MYO1B: variants seen among roughly 807,000 people sequenced by gnomAD.
MYO1B encodes the protein unconventional myosin-Ib.
A neutral mutation model predicts 159.7 loss-of-function variants in MYO1B; 72 were observed. The observed-to-expected ratio is 0.45, with a 90% confidence interval of 0.37 to 0.55. MYO1B has a LOEUF of 0.55. Among genes scored for constraint, MYO1B ranks in the 20% least tolerant of loss-of-function variants. MYO1B has a pLI of 0.00. For missense variants in MYO1B, 1,062 were observed against 1,364.8 expected (o/e 0.78, Z 3.50); for synonymous variants, 468 against 473.8 (o/e 0.99, Z 0.16).
intron 3 of MYO1B, among the ~76,000 whole-genome samples, chr2:191,323,729 T>C (rs894680962): frequency 6.6e-6 from 1 of 152,198 alleles, no homozygotes; most frequent in African/African-American, 2.4e-5. Flanking sequence ...GATGGTTTAC[T>C]GTTGTCATTC....
At chr2:191,248,616 C>T (rs558116166) in intron 1 of MYO1B, among the ~76,000 whole-genome samples, 20 of 152,270 alleles carry the variant, frequency 1.3e-4, no homozygotes, top group Admixed American at 1.1e-3. Context: ...CATCACAATT[C>T]AAAATTCTAA....
chr2:191,257,089 C>G (rs984265788), intron 1 of MYO1B, among the ~76,000 whole-genome samples: 73 of 152,160 alleles, frequency 4.8e-4, no homozygotes, highest in African/African-American at 1.6e-3. Flanking sequence ...TCTTCTTTAC[C>G]TACTGTCATG....
intron 16 of MYO1B, among the ~76,000 whole-genome samples, chr2:191,386,894 TGA>T (rs1695430497): frequency 6.6e-6 from 1 of 152,198 alleles, no homozygotes. Context: ...AATTGGTATG[TGA>T]GAACTAAAAA....
chr2:191,299,339 A>C (rs1324826585), intron 3 of MYO1B, among the ~76,000 whole-genome samples: 1 of 152,194 alleles, frequency 6.6e-6, no homozygotes, highest in African/African-American at 2.4e-5. Flanking sequence ...CGTGGTGAGC[A>C]AAGTACAGTT....
At chr2:191,316,932 C>A (rs971426510) in intron 3 of MYO1B, among the ~76,000 whole-genome samples, 2 of 152,108 alleles carry the variant, frequency 1.3e-5, no homozygotes, top group Non-Finnish European at 2.9e-5. Flanking sequence ...ATTCATTGAT[C>A]CAGGAAAATT....
intron 1 of MYO1B, chr2:191,263,735 CAT>C (rs962207887): frequency 3.3e-5 from 5 of 152,074 alleles, no homozygotes; most frequent in African/African-American, 7.2e-5. Context: ...AGGTTATTAA[CAT>C]GTGCTGTATT....
At chr2:191,393,268 G>A in intron 20 of MYO1B, 46 bp downstream of exon 20, 2 of 1,597,662 alleles carry the variant, frequency 1.3e-6, no homozygotes, top group Non-Finnish European at 1.7e-6. Context: ...ATGCTAATTT[G>A]CCAACATTTA....
intron 3 of MYO1B, among the ~76,000 whole-genome samples, chr2:191,310,730 A>G (rs1340330760): frequency 6.6e-6 from 1 of 152,160 alleles, no homozygotes; most frequent in Non-Finnish European, 1.5e-5. Flanking sequence ...TAATAGGAGG[A>G]GAGTTTGGGA....
At position 191,409,080 on chromosome 2, in the gene MYO1B, C is replaced by G. The variant is rs139859843; in HGVS notation, c.2668C>G (p.Pro890Ala). ...CTTCTTGGAAATGAAAAATAAGATGCCTTCCTTATCTCCAATAGACAAGAA... is the reference window on the plus strand; with the variant it reads ...CTTCTTGGAAATGAAAAATAAGATGGCTTCCTTATCTCCAATAGACAAGAA... ...KYFLEMKNKM[P>A]SLSPIDKNWP... Residue 890 changes from proline to alanine, a missense_variant, in exon 26 of 31, where the codon CCT becomes GCT. Physicochemically the swap from Pro to Ala is conservative, Grantham distance 27. This residue lies in a region of MYO1B where 609 missense variants were observed against 744.4 expected (regional missense o/e 0.82). Transcript: ENST00000392318. 1 of 1,611,730 alleles carries G rather than the reference C, an allele frequency of 6.2e-7. No homozygotes were observed. The highest frequency in any genetic ancestry group is 8.5e-7 in the Non-Finnish European group (1 of 1,179,410).
chr2:191,274,513 G>T (rs1687636473), intron 1 of MYO1B, among the ~76,000 whole-genome samples: 1 of 152,102 alleles, frequency 6.6e-6, no homozygotes, highest in Non-Finnish European at 1.5e-5. Context: ...TAAATTGCTG[G>T]TTTGAGGTAG....
intron 26 of MYO1B, among the ~76,000 whole-genome samples, chr2:191,410,568 G>A (rs975495087): frequency 6.6e-6 from 1 of 152,130 alleles, no homozygotes; most frequent in Non-Finnish European, 1.5e-5. Flanking sequence ...CAATTTAGTG[G>A]ATTACTACCA....
intron 23 of MYO1B, chr2:191,402,035 C>T (rs1696647271): frequency 6.6e-6 from 1 of 152,608 alleles, no homozygotes; most frequent in Non-Finnish European, 1.5e-5. Context: ...GCGACCTTAG[C>T]TAAAATTGAA....
intron 2 of MYO1B, among the ~76,000 whole-genome samples, chr2:191,278,468 T>G (rs984913983): frequency 2.0e-5 from 3 of 152,212 alleles, no homozygotes; most frequent in Non-Finnish European, 2.9e-5. Flanking sequence ...TTGAGTAATG[T>G]ATTTATGAGA....
intron 3 of MYO1B, 51 bp downstream of exon 3, chr2:191,296,277 A>G: frequency 2.8e-6 from 3 of 1,089,680 alleles, no homozygotes; most frequent in Non-Finnish European, 4.0e-6. Context: ...AGAGATGTGT[A>G]GTTGACAGAT....
chr2:191,319,592 G>C (rs2125888417), intron 3 of MYO1B, among the ~76,000 whole-genome samples: 1 of 152,242 alleles, frequency 6.6e-6, no homozygotes, highest in South Asian at 2.1e-4. Context: ...TGTTTGAATA[G>C]GTACATCATA....
intron 6 of MYO1B, 107 bp from the exon 7 acceptor site, chr2:191,350,055 T>G: frequency 1.2e-6 from 1 of 854,502 alleles, no homozygotes; most frequent in Non-Finnish European, 1.9e-6. Context: ...TTAGTTACAT[T>G]TAAACAAATG....
intron 16 of MYO1B, among the ~76,000 whole-genome samples, 197 bp from the exon 17 acceptor site, chr2:191,387,027 T>G (rs1462044535): frequency 1.3e-5 from 2 of 152,250 alleles, no homozygotes; most frequent in South Asian, 2.1e-4. Context: ...GAATTTATTT[T>G]GATCTTGTCT....
intron 8 of MYO1B, 123 bp from the exon 9 acceptor site, chr2:191,362,144 TC>T: frequency 1.5e-6 from 1 of 659,578 alleles, no homozygotes. Flanking sequence ...TAATTTGTGT[TC>T]TTTTGATTCA....
intron 2 of MYO1B, among the ~76,000 whole-genome samples, chr2:191,291,319 A>G (rs1025648758): frequency 1.3e-5 from 2 of 152,176 alleles, no homozygotes; most frequent in Non-Finnish European, 2.9e-5. Context: ...GAAGGTCGAG[A>G]TGGTTTTGAC....
Sources: allele counts gnomAD v4.1 joint callset (sites outside exome capture counted in the v4.1 genomes callset), GRCh38; gene constraint gnomAD v4.1.1; regional missense constraint gnomAD v4.1.1; transcripts MANE v1.5; gene names NCBI Gene and HGNC (gene_info 2026-07-23, HGNC 2026-07-21).